MNAT1: variants seen among roughly 807,000 people sequenced by gnomAD.
MNAT1 encodes MNAT1 component of CDK activating kinase, also known as CDK-activating kinase assembly factor MAT1.
A neutral mutation model predicts 42.0 loss-of-function variants in MNAT1; 43 were observed. That is an observed-to-expected ratio of 1.02 (90% CI 0.80 to 1.32). The LOEUF is 1.32. Ranked by LOEUF, MNAT1 falls within the 40% of genes most tolerant of loss-of-function variation. The pLI is 0.00. For synonymous variants in MNAT1, 118 were observed against 120.0 expected, an observed-to-expected ratio of 0.98 and a Z score of 0.11; for missense variants, 306 against 350.4, an observed-to-expected ratio of 0.87 and a Z score of 1.01.
At chr14:60,871,667 G>A (rs1181864209) in intron 6 of MNAT1, among the ~76,000 whole-genome samples, 2 of 151,752 alleles carry the variant, frequency 1.3e-5, no homozygotes, top group African/African-American at 4.8e-5. Context: ...TTGTTGCCCA[G>A]GATGGAGTGC....
At chr14:60,961,691 TG>T (rs2036595465) in intron 7 of MNAT1, among the ~76,000 whole-genome samples, 1 of 152,224 alleles carries the variant, frequency 6.6e-6, no homozygotes, top group East Asian at 1.9e-4. Flanking sequence ...CTTTGTTCTC[TG>T]TCTTATTATC....
chr14:60,741,176 T>A (rs1001082079), intron 1 of MNAT1, among the ~76,000 whole-genome samples: 2 of 152,172 alleles, frequency 1.3e-5, no homozygotes, highest in Non-Finnish European at 2.9e-5. Context: ...AGATTTCTTG[T>A]GCTTACTATT....
chr14:60,941,072 T>C lies in MNAT1; in HGVS notation c.810-27157T>C, dbSNP rs867989524. Reference sequence around the variant, plus strand: ...ATTGGTAATTTAATAAAATTCCGTTTATTCTCATAGTATATAGAAGTTTTG... The same window carrying C: ...ATTGGTAATTTAATAAAATTCCGTTCATTCTCATAGTATATAGAAGTTTTG... On this transcript the variant is annotated intron_variant, in intron 7 of 7. Coordinates refer to ENST00000261245, the MANE Select transcript of MNAT1 (RefSeq NM_002431.4). Among the ~76,000 whole-genome samples the C allele has an allele frequency of 3.9e-5, 6 of 152,344 alleles. No homozygotes were observed. The Middle Eastern group carries it at 0.017, about 432-fold the overall frequency.
At chr14:60,835,032 A>G (rs1001672487) in intron 6 of MNAT1, among the ~76,000 whole-genome samples, 1 of 123,740 alleles carries the variant, frequency 8.1e-6, no homozygotes, top group African/African-American at 3.1e-5. Context: ...TCATTCGTTC[A>G]TTCGTTCAAA....
chr14:60,945,651 C>T (rs4151382), intron 7 of MNAT1, among the ~76,000 whole-genome samples: 38 of 151,920 alleles, frequency 2.5e-4, no homozygotes, highest in Admixed American at 1.2e-3. Flanking sequence ...TTAGTGTTTT[C>T]GTTATATTGT....
chr14:60,789,528 C>G (rs1468217333), intron 1 of MNAT1, among the ~76,000 whole-genome samples: 2 of 152,088 alleles, frequency 1.3e-5, no homozygotes, highest in Non-Finnish European at 2.9e-5. Context: ...TAAGGCAATT[C>G]GCAATAAAAT....
intron 1 of MNAT1, among the ~76,000 whole-genome samples, chr14:60,741,329 C>T (rs1225316077): frequency 6.6e-6 from 1 of 152,070 alleles, no homozygotes; most frequent in Non-Finnish European, 1.5e-5. Context: ...GTGCATGGCA[C>T]CACACCTGGC....
At chr14:60,950,891 A>G (rs982698481) in intron 7 of MNAT1, among the ~76,000 whole-genome samples, 2 of 152,238 alleles carry the variant, frequency 1.3e-5, no homozygotes, top group Admixed American at 1.3e-4. Context: ...TTTTCTGATT[A>G]GAAGTTAGGA....
At chr14:60,967,597 T>C (rs1407642296) in intron 7 of MNAT1, among the ~76,000 whole-genome samples, 1 of 152,224 alleles carries the variant, frequency 6.6e-6, no homozygotes, top group East Asian at 1.9e-4. Context: ...TGTACTGTTA[T>C]ATTGTTGAGA....
chr14:60,835,712 T>C (rs1473575947), intron 6 of MNAT1, among the ~76,000 whole-genome samples: 7 of 152,210 alleles, frequency 4.6e-5, no homozygotes, highest in Admixed American at 4.6e-4. Flanking sequence ...TTATGTGTTT[T>C]GGGGTTGCTC....
rs71416078 is a variant in MNAT1 at position 60,906,782 on chromosome 14, C to T, written c.809+26947C>T. Among the ~76,000 whole-genome samples the T allele has an allele frequency of 6.0e-3, 912 of 152,182 alleles. 5 individuals are homozygous for T. The highest frequency in any genetic ancestry group is 0.01 in the Non-Finnish European group (684 of 67,992). On this transcript the variant is annotated intron_variant, in intron 7 of 7. Transcript: ENST00000261245. ...TAAACAATGTTGGTTTTCAAATACT[C>T]GTTTCTGAAAAAATCTTTTGTTGGT...
chr14:60,795,367 TA>T (rs2139325571), intron 1 of MNAT1, among the ~76,000 whole-genome samples: 1 of 152,272 alleles, frequency 6.6e-6, no homozygotes, highest in East Asian at 1.9e-4. Context: ...TAGACCCATC[TA>T]AAACAGTATA....
chr14:60,939,548 G>T (rs1433271946), intron 7 of MNAT1, among the ~76,000 whole-genome samples: 1 of 152,166 alleles, frequency 6.6e-6, no homozygotes, highest in Non-Finnish European at 1.5e-5. Flanking sequence ...GGTTTTCAGT[G>T]AGTTTCTTAA....
chr14:60,926,304 G>T (rs889471547), intron 7 of MNAT1, among the ~76,000 whole-genome samples: 26 of 152,280 alleles, frequency 1.7e-4, no homozygotes, highest in African/African-American at 5.8e-4. Context: ...GACACCAACT[G>T]GGCGTCCTCT....
At chr14:60,820,975 G>A (rs578074440) in intron 6 of MNAT1, among the ~76,000 whole-genome samples, 17 of 152,218 alleles carry the variant, frequency 1.1e-4, no homozygotes, top group South Asian at 4.2e-4. Flanking sequence ...AGAGAAAAGA[G>A]CAGTAAAGAA....
At chr14:60,939,222 GTC>G (rs538148767) in intron 7 of MNAT1, among the ~76,000 whole-genome samples, 285 of 152,034 alleles carry the variant, frequency 1.9e-3, no homozygotes, top group Middle Eastern at 3.4e-3. Context: ...TTTTTTGTGT[GTC>G]TATCTCCTTC....
chr14:60,891,981 T>C (rs1017818537), intron 7 of MNAT1, among the ~76,000 whole-genome samples: 1 of 152,206 alleles, frequency 6.6e-6, no homozygotes, highest in African/African-American at 2.4e-5. Context: ...TATTGGTTGC[T>C]AACCTCATCC....
chr14:60,842,897 T>C (rs979296710), intron 6 of MNAT1, among the ~76,000 whole-genome samples: 1 of 152,200 alleles, frequency 6.6e-6, no homozygotes, highest in African/African-American at 2.4e-5. Flanking sequence ...AGCATCCTAT[T>C]GCATGTTGCT....
chr14:60,936,341 T>G (rs1251129661), intron 7 of MNAT1, among the ~76,000 whole-genome samples: 1 of 151,836 alleles, frequency 6.6e-6, no homozygotes, highest in Non-Finnish European at 1.5e-5. Flanking sequence ...AACTCATCAT[T>G]TAACATTAGG....
Sources: allele counts gnomAD v4.1 joint callset (sites outside exome capture counted in the v4.1 genomes callset), GRCh38; gene constraint gnomAD v4.1.1; transcripts MANE v1.5; gene names NCBI Gene and HGNC (gene_info 2026-07-23, HGNC 2026-07-21).